MCTP2: variants seen among roughly 807,000 people sequenced by gnomAD.
The protein encoded by MCTP2 is multiple C2 and transmembrane domain-containing protein 2.
Under a neutral mutation model 111.6 loss-of-function variants are expected in MCTP2, and 132 were observed. That is an observed-to-expected ratio of 1.18 (90% CI 1.03 to 1.37). The LOEUF (loss-of-function observed/expected upper bound fraction) is 1.37. MCTP2 is among the 40% of genes most tolerant of loss of function. MCTP2 has a pLI of 0.00. For missense variants in MCTP2, 1,183 were observed against 1,067.9 expected (o/e 1.11, Z -1.50); for synonymous variants, 395 against 387.7 (o/e 1.02, Z -0.22).
At chr15:94,294,819 T>C (rs111778542) in intron 1 of MCTP2, among the ~76,000 whole-genome samples, 9 of 152,184 alleles carry the variant, frequency 5.9e-5, no homozygotes, top group African/African-American at 1.9e-4. Flanking sequence ...ACCAGGGAGA[T>C]TGGTTGGAAG....
At chr15:94,397,348 G>T (rs948444419) in intron 14 of MCTP2, among the ~76,000 whole-genome samples, 15 of 152,036 alleles carry the variant, frequency 9.9e-5, no homozygotes, top group African/African-American at 3.6e-4. Context: ...GTTATTCTTT[G>T]CCAACCCTTA....
At chr15:94,271,776 A>G (rs16948855) in intron 1 of MCTP2, among the ~76,000 whole-genome samples, 15 of 152,276 alleles carry the variant, frequency 9.9e-5, no homozygotes, top group Admixed American at 7.8e-4. Context: ...GCTTAAAAAT[A>G]TGCACCATTT....
At chr15:94,468,528 A>G (rs1222173804) in intron 20 of MCTP2, among the ~76,000 whole-genome samples, 1 of 152,232 alleles carries the variant, frequency 6.6e-6, no homozygotes, top group Non-Finnish European at 1.5e-5. Flanking sequence ...AAAATGACCA[A>G]TAGGCATATT....
chr15:94,413,446 T>A (rs967817156), intron 17 of MCTP2, among the ~76,000 whole-genome samples: 11 of 152,106 alleles, frequency 7.2e-5, no homozygotes, highest in Non-Finnish European at 1.0e-4. Flanking sequence ...CTTTTTTTTT[T>A]AATTTCATTT....
At chr15:94,332,622 A>G (rs1250273918) in intron 4 of MCTP2, among the ~76,000 whole-genome samples, 2 of 151,880 alleles carry the variant, frequency 1.3e-5, no homozygotes, top group South Asian at 4.1e-4. Context: ...AACTTAGTGT[A>G]AAAATATGGT....
At position 94,358,574 on chromosome 15, in the gene MCTP2, G is replaced by A. The variant is rs199614826; in HGVS notation, c.1263G>A (p.Trp421Ter). ...TGGGCATTTTGGACATTGAAGTGTG[G>A]GGAAAGGACAACAAAAAGCATGAGG... ...DRMGILDIEV[W>*]GKDNKKHEER... The change falls in exon 10 of 23, where the codon TGG becomes TGA. Residue 421 changes from tryptophan to a stop codon, truncating the protein, a stop_gained. Transcript: ENST00000357742. LOFTEE classifies it high-confidence loss of function. 32 of 1,613,780 alleles carry A rather than the reference G, an allele frequency of 2.0e-5. No individual in the cohort carries two copies. In the East Asian group the frequency reaches 6.9e-4, roughly 35 times the overall value.
At chr15:94,378,241 G>A (rs2079888708) in intron 12 of MCTP2, among the ~76,000 whole-genome samples, 2 of 151,994 alleles carry the variant, frequency 1.3e-5, no homozygotes, top group African/African-American at 4.8e-5. Context: ...AATATTTAGG[G>A]CCAAGCGCAG....
chr15:94,314,573 A>T (rs1478679670), intron 3 of MCTP2, among the ~76,000 whole-genome samples: 1 of 152,208 alleles, frequency 6.6e-6, no homozygotes, highest in Non-Finnish European at 1.5e-5. Flanking sequence ...AGTAACTATG[A>T]AATTGAGTGA....
intron 17 of MCTP2, among the ~76,000 whole-genome samples, chr15:94,424,854 CTCTA>C (rs2082803893): frequency 6.6e-6 from 1 of 152,014 alleles, no homozygotes; most frequent in Non-Finnish European, 1.5e-5. Context: ...TCCTTCTTTG[CTCTA>C]TCTTTGCCTA....
At chr15:94,364,694 T>G (rs1303600895) in intron 10 of MCTP2, among the ~76,000 whole-genome samples, 1 of 152,220 alleles carries the variant, frequency 6.6e-6, no homozygotes, top group Non-Finnish European at 1.5e-5. Context: ...TAACATTATT[T>G]GCAATTTGAG....
At chr15:94,339,815 G>A (rs2077540839) in intron 5 of MCTP2, among the ~76,000 whole-genome samples, 1 of 152,150 alleles carries the variant, frequency 6.6e-6, no homozygotes, top group Non-Finnish European at 1.5e-5. Context: ...TGAGTTGAGT[G>A]CAGGATGAGA....
rs2078573571 is a variant in MCTP2 at position 94,355,560 on chromosome 15, C to G, written c.1006-577C>G. Among the ~76,000 whole-genome samples, 3 of 152,054 alleles carry G rather than the reference C, an allele frequency of 2.0e-5. No individual in the cohort carries two copies. In the South Asian group the frequency reaches 6.2e-4, roughly 32 times the overall value. On this transcript the variant is annotated intron_variant, in intron 8 of 22. Transcript: ENST00000357742. ...TGAGATGTGCTTTATACGCCCCCTT[C>G]CCTCCCACCCCCACTCCAGGTCTGC...
At chr15:94,464,244 A>ATATTATATATATATATTATATATATAT (rs1158865711) in intron 20 of MCTP2, among the ~76,000 whole-genome samples, 32 of 60,350 alleles carry the variant, frequency 5.3e-4, no homozygotes, top group South Asian at 1.9e-3. Flanking sequence ...TATATAATAT[A>ATATTATATATATATATTATATATATAT]TATATATATA....
chr15:94,363,567 A>G (rs2079043237), intron 10 of MCTP2, among the ~76,000 whole-genome samples: 1 of 152,150 alleles, frequency 6.6e-6, no homozygotes, highest in Non-Finnish European at 1.5e-5. Context: ...CAGTGGTGTC[A>G]CATGATAAGG....
Position 94,289,646 on chromosome 15 carries a change from T to C in MCTP2, c.-65-8555T>C, listed in dbSNP as rs2074942174. Among the ~76,000 whole-genome samples the C allele has an allele frequency of 3.9e-5, 6 of 152,320 alleles. 1 individual carries two copies. The South Asian group carries it at 1.2e-3, about 32-fold the overall frequency. On this transcript the variant is annotated intron_variant, in intron 1 of 22. Coordinates refer to ENST00000357742, the MANE Select transcript of MCTP2 (RefSeq NM_001385001.1). ...TATGGCTTATGGTTGAAATCAAAAG[T>C]TAAACATGGTCTGATACAAATTTTC...
In MCTP2 at chr15:94,399,002, A is replaced by T. The variant is rs2081417859; in HGVS notation, c.1830A>T (p.Lys610Asn). 6.4e-7 allele frequency: 1 copy of T among 1,567,126 alleles called. No individual in the cohort carries two copies. The part of the protein sequence containing the change: ...GQPNCYVLKN[K>N]DLEQAFKGVI... ...CGAATTGTTATGTACTAAAGAATAA[A>T]GATTTAGAACAAGCTTTTAAAGGAG... The change falls in exon 15 of 23, where the codon AAA becomes AAT. Residue 610 changes from lysine (K) to asparagine (N), a missense_variant. Lys to Asn is a moderately conservative substitution (Grantham distance 94). Coordinates refer to ENST00000357742, the MANE Select transcript of MCTP2 (RefSeq NM_001385001.1).
At chr15:94,446,752 G>C (rs539734265) in intron 19 of MCTP2, among the ~76,000 whole-genome samples, 6 of 152,196 alleles carry the variant, frequency 3.9e-5, no homozygotes, top group African/African-American at 7.2e-5. Flanking sequence ...GTGCTCCAAG[G>C]CTTGCATTGT....
At chr15:94,363,605 C>A (rs1433078306) in intron 10 of MCTP2, among the ~76,000 whole-genome samples, 1 of 152,112 alleles carries the variant, frequency 6.6e-6, no homozygotes, top group Admixed American at 6.6e-5. Flanking sequence ...GGTGAAGGCA[C>A]AAAGCCACTG....
At chr15:94,411,340 G>A (rs529201205) in intron 17 of MCTP2, among the ~76,000 whole-genome samples, 3 of 142,712 alleles carry the variant, frequency 2.1e-5, no homozygotes, top group East Asian at 2.0e-4. Context: ...TTTCTAAGCT[G>A]TCATTTTTAT....
Sources: allele counts gnomAD v4.1 joint callset (sites outside exome capture counted in the v4.1 genomes callset), GRCh38; gene constraint gnomAD v4.1.1; transcripts MANE v1.5; gene names NCBI Gene and HGNC (gene_info 2026-07-23, HGNC 2026-07-21).